Variants in OTOF observed in about 807,000 individuals in gnomAD.
OTOF encodes otoferlin.
Under a neutral mutation model 236.8 loss-of-function variants are expected in OTOF, and 218 were observed. That is an observed-to-expected ratio of 0.92 (90% CI 0.82 to 1.03). The LOEUF (loss-of-function observed/expected upper bound fraction) is 1.03. OTOF is among the 50% of genes least tolerant of loss of function. The pLI is 0.00. For missense variants in OTOF, 2,590 were observed against 2,694.4 expected (o/e 0.96, Z 0.86); for synonymous variants, 1,041 against 1,072.5 (o/e 0.97, Z 0.57).
At chr2:26,538,403 G>A (rs1305840832) in intron 1 of OTOF, among the ~76,000 whole-genome samples, 1 of 152,236 alleles carries the variant, frequency 6.6e-6, no homozygotes, top group Non-Finnish European at 1.5e-5. Context: ...TCCCTCCCGG[G>A]CTCTATTCCT....
chr2:26,558,650 T>A lies in OTOF; in HGVS notation c.-79A>T. On this transcript the variant is annotated 5_prime_UTR_variant, in exon 1 of 47. Coordinates refer to ENST00000272371, the MANE Select transcript of OTOF (RefSeq NM_194248.3). ...CGGTGGAGCACGGCTCACACGCCTC[T>A]CTCTTCTCTGCCGCTGCCTCCTCCT... is the stretch of plus-strand genomic sequence containing the variant. 1 of 1,237,550 alleles carries A rather than the reference T, an allele frequency of 8.1e-7. No homozygotes were observed. Among genetic ancestry groups the A allele is most frequent in the Non-Finnish European group, 1.2e-6 (1 of 841,930 alleles). The allele number at this position is 1,237,550 out of a possible 1,614,324, so 76.7% of individuals were successfully genotyped here.
In OTOF at chr2:26,472,635, G is replaced by A. The variant is rs780704826; in HGVS notation, c.3748C>T (p.Arg1250Cys). 24 of 1,613,030 alleles carry A rather than the reference G, an allele frequency of 1.5e-5. No homozygotes were observed. The highest frequency in any genetic ancestry group is 8.9e-5 in the East Asian group (4 of 44,892). Residue 1250 changes from arginine to cysteine, a missense_variant, in exon 30 of 47, where the codon CGC (arginine) becomes TGC (cysteine). Arg to Cys is a radical substitution (Grantham distance 180, BLOSUM62 -3). Coordinates refer to ENST00000272371, the MANE Select transcript of OTOF (RefSeq NM_194248.3). ...SWNTTVRLLRRCRVLCNGGSS... is the reference protein window; with the variant it reads ...SWNTTVRLLRCCRVLCNGGSS... Reference sequence around the variant, plus strand: ...CCCCCATTGCACAGCACACGGCAGCGCCGGAGAAGCCTGACTGGACAGATG... The same window carrying A: ...CCCCCATTGCACAGCACACGGCAGCACCGGAGAAGCCTGACTGGACAGATG...
intron 1 of OTOF, among the ~76,000 whole-genome samples, chr2:26,550,106 A>G (rs1269270516): frequency 1.3e-5 from 2 of 149,836 alleles, no homozygotes; most frequent in Admixed American, 6.6e-5. Flanking sequence ...CTTCGGCTGA[A>G]AAAAAAAAAA....
intron 1 of OTOF, among the ~76,000 whole-genome samples, chr2:26,547,743 A>G (rs1183157292): frequency 2.0e-5 from 3 of 152,190 alleles, no homozygotes; most frequent in African/African-American, 7.2e-5. Context: ...CGGGAGGCTG[A>G]GGCAGGAGAA....
chr2:26,489,589 G>T, intron 10 of OTOF, 89 bp downstream of exon 10: 1 of 1,085,822 alleles, frequency 9.2e-7, no homozygotes, highest in East Asian at 2.4e-5. Flanking sequence ...CTTTATCATG[G>T]GTCTAGACAG....
At chr2:26,513,022 A>C (rs1666427930) in intron 5 of OTOF, among the ~76,000 whole-genome samples, 1 of 152,190 alleles carries the variant, frequency 6.6e-6, no homozygotes, top group African/African-American at 2.4e-5. Context: ...AAGCCGGCAG[A>C]AATCAGGGCT....
rs1664487168 is a variant in OTOF, at chr2:26,461,971, G to A, written c.5292-34C>T. The A allele has an allele frequency of 3.1e-6, 5 of 1,613,562 alleles. No homozygotes were observed. Among genetic ancestry groups the A allele is most frequent in the Admixed American group, 1.7e-5 (1 of 59,984 alleles). The stretch of plus-strand genomic sequence containing the variant: ...GCCACATCTCCAGACCCGCAGCCAG[G>A]CTGGTGGGGCCTCTCCCACCCACAG... On this transcript the variant is annotated intron_variant, in intron 42 of 46. Transcript: ENST00000272371. This position sits in a 1 kb window ranked among gnomAD's most constrained non-coding sequence, Gnocchi z 6.2.
intron 8 of OTOF, among the ~76,000 whole-genome samples, chr2:26,498,120 G>A (rs1022300484): frequency 1.3e-5 from 2 of 152,182 alleles, no homozygotes; most frequent in Admixed American, 6.5e-5. Context: ...CCATCTCGAG[G>A]CATGGCCATA....
chr2:26,467,027 G>A (rs1173845022), intron 35 of OTOF, 72 bp downstream of exon 35: 7 of 1,584,112 alleles, frequency 4.4e-6, no homozygotes, highest in African/African-American at 4.4e-5. Flanking sequence ...GTGGTGGGAG[G>A]TGAGTGGGGG....
intron 15 of OTOF, 63 bp downstream of exon 15, chr2:26,480,723 G>T: frequency 2.9e-6 from 4 of 1,360,648 alleles, no homozygotes; most frequent in South Asian, 2.3e-5. Flanking sequence ...GGACCCAGGT[G>T]ACTCAGGGAG....
At chr2:26,527,287 A>G (rs1314165119) in intron 3 of OTOF, among the ~76,000 whole-genome samples, 3 of 152,238 alleles carry the variant, frequency 2.0e-5, no homozygotes. Flanking sequence ...TTTGAGGTAA[A>G]TACTTGTCCT....
In OTOF at chr2:26,538,555, G is replaced by T. The variant is rs564328061; in HGVS notation, c.80-781C>A. ...AGCTGCCCTCTTTGCTAGTCCAGCTGGAACTGGCCCAAGATGTGGGGAGAA... is the reference window on the plus strand; with the variant it reads ...AGCTGCCCTCTTTGCTAGTCCAGCTTGAACTGGCCCAAGATGTGGGGAGAA... On this transcript the variant is annotated intron_variant, in intron 1 of 46. Transcript: ENST00000272371. Among the ~76,000 whole-genome samples, 68 of 152,346 alleles carry T rather than the reference G, an allele frequency of 4.5e-4. 6 individuals carry two copies. The South Asian group carries it at 0.012, about 26-fold the overall frequency.
intron 24 of OTOF, among the ~76,000 whole-genome samples, 198 bp from the exon 25 acceptor site, chr2:26,475,691 C>T (rs1665222286): frequency 6.6e-6 from 1 of 152,196 alleles, no homozygotes; most frequent in Non-Finnish European, 1.5e-5. Context: ...TCCTTGTCGT[C>T]CCTGTCTTGT....
intron 5 of OTOF, among the ~76,000 whole-genome samples, chr2:26,514,106 C>T (rs1166404465): frequency 1.3e-5 from 2 of 152,278 alleles, no homozygotes; most frequent in South Asian, 2.1e-4. Context: ...TTTTCCACAA[C>T]CAGGCCTGCT....
chr2:26,479,082 G>C (rs1046292182), intron 18 of OTOF, among the ~76,000 whole-genome samples, 182 bp downstream of exon 18: 11 of 152,250 alleles, frequency 7.2e-5, no homozygotes, highest in African/African-American at 2.7e-4. Flanking sequence ...TGAGTGACTA[G>C]AGGTGGCTCC....
chr2:26,464,845 C>T (rs202215715), intron 39 of OTOF, 24 bp downstream of exon 39: 133 of 1,596,030 alleles, frequency 8.3e-5, no homozygotes, highest in Middle Eastern at 5.1e-4. Context: ...AGGGGGCAGG[C>T]GGCTGCATCC....
At position 26,460,195 on chromosome 2, in the gene OTOF, T is replaced by A; in HGVS notation, c.5824A>T (p.Thr1942Ser). The A allele has an allele frequency of 6.2e-7, 1 of 1,603,422 alleles. No individual in the cohort carries two copies. Among genetic ancestry groups the A allele is most frequent in the Non-Finnish European group, 8.5e-7 (1 of 1,175,576 alleles). The change falls in exon 46 of 47, where the codon ACG becomes TCG. Residue 1942 changes from threonine to serine, a missense_variant. Physicochemically the swap from Thr to Ser is moderately conservative, Grantham distance 58. This residue lies in a region of OTOF where 1,211 missense variants were observed against 1,352.8 expected (regional missense o/e 0.90). Coordinates refer to ENST00000272371, the MANE Select transcript of OTOF (RefSeq NM_194248.3). The surrounding 1 kb of genome is among the most constrained non-coding windows in gnomAD (Gnocchi z 5.3). ...DPLEKPNRPD[T>S]SFIWFLNPLK... ...GGGTTCAGGAACCAGATGAAGCTCGTGTCGGGCCGGCTGGAGTATGAAGGG... is the reference window on the plus strand; with the variant it reads ...GGGTTCAGGAACCAGATGAAGCTCGAGTCGGGCCGGCTGGAGTATGAAGGG...
chr2:26,469,540 C>T (rs1664885406), intron 32 of OTOF, among the ~76,000 whole-genome samples: 2 of 152,202 alleles, frequency 1.3e-5, no homozygotes, highest in Non-Finnish European at 2.9e-5. Context: ...TGTGCAGCTT[C>T]TGGATTGGGC....
chr2:26,475,889 C>A, intron 24 of OTOF, 25 bp downstream of exon 24: 3 of 1,586,568 alleles, frequency 1.9e-6, no homozygotes, highest in Non-Finnish European at 1.7e-6. Context: ...AAAGCCAGAG[C>A]CACTCCCTCC....
Sources: gnomAD v4.1 joint callset for allele counts (sites outside exome capture counted in the v4.1 genomes callset) on GRCh38, gnomAD v4.1.1 for gene constraint, gnomAD v4.1.1 regional missense constraint, Gnocchi (gnomAD v3.1) non-coding constraint, MANE v1.5 for transcripts, NCBI Gene and HGNC (gene_info 2026-07-23, HGNC 2026-07-21) for gene names.